MAP3K4: variants seen among roughly 807,000 people sequenced by gnomAD.
MAP3K4 encodes MAP three kinase 1.
In MAP3K4, 67 loss-of-function variants were observed where a neutral mutation model predicts 185.6. The observed-to-expected ratio is 0.36, with a 90% CI of 0.30 to 0.44. The LOEUF is 0.44. MAP3K4 is among the 20% of genes least tolerant of loss of function. MAP3K4 has a pLI of 1.00. For synonymous variants in MAP3K4, 702 were observed against 710.4 expected (o/e 0.99, Z 0.19); for missense variants, 1,551 against 1,995.1 (o/e 0.78, Z 4.24).
Position 161,054,695 on chromosome 6 carries a change from CCA to C in MAP3K4, c.1707+4717_1707+4718del, listed in dbSNP as rs1324229800. Among the ~76,000 whole-genome samples, 1 of 152,164 alleles carries C rather than the reference CCA, an allele frequency of 6.6e-6. No homozygotes were observed. Among genetic ancestry groups the C allele is most frequent in the Non-Finnish European group, 1.5e-5 (1 of 68,028 alleles). ...CTAATTGAAACAAATGGATTAGTTT[CCA>C]GAGTCCACTTGAATAGGCAGTTGTT... On this transcript the variant is annotated intron_variant, in intron 3 of 26. Transcript: ENST00000392142. The surrounding 1 kb of genome is among the most constrained non-coding windows in gnomAD (Gnocchi z 4.2).
chr6:161,005,096 T>C (rs551820863), intron 1 of MAP3K4, among the ~76,000 whole-genome samples: 30 of 152,104 alleles, frequency 2.0e-4, no homozygotes, highest in African/African-American at 6.5e-4. Flanking sequence ...GTATTCAAAA[T>C]GAACACATTC....
chr6:160,991,843 T>G lies in MAP3K4; in HGVS notation c.-89T>G. ...CGGCGGGGTAGAGGCGGAGGCGGAG[T>G]CGAGTCACTCCCGCACTTCGGGGCT... On this transcript the variant is annotated 5_prime_UTR_variant, in exon 1 of 27. Transcript: ENST00000392142. The surrounding 1 kb of genome is among the most constrained non-coding windows in gnomAD (Gnocchi z 5.7). The G allele has an allele frequency of 7.4e-7, 1 of 1,347,842 alleles. No homozygotes were observed. Among genetic ancestry groups the G allele is most frequent in the Non-Finnish European group, 9.5e-7 (1 of 1,049,330 alleles). 83.5% of individuals were successfully genotyped at this position (1,347,842 alleles called of 1,614,324 possible).
chr6:161,060,117 T>G (rs899868060), intron 3 of MAP3K4, among the ~76,000 whole-genome samples: 1 of 152,218 alleles, frequency 6.6e-6, no homozygotes, highest in Non-Finnish European at 1.5e-5. Context: ...CTAGATTCCT[T>G]AATACATTAA....
Position 161,049,309 on chromosome 6 carries a change from G to A in MAP3K4, c.1037G>A (p.Arg346His), listed in dbSNP as rs541008265. 50 of 1,614,138 alleles carry A rather than the reference G, an allele frequency of 3.1e-5. No individual in the cohort carries two copies. The highest frequency in any genetic ancestry group is 2.5e-4 in the African/African-American group (19 of 75,050). ...GYSTHHEHLQRQRVSFEQVKR... is the reference protein window; with the variant it reads ...GYSTHHEHLQHQRVSFEQVKR... Reference sequence around the variant, plus strand: ...TCAACACATCATGAGCATCTCCAACGCCAGAGGGTCTCATTTGAGCAGGTA... The same window carrying A: ...TCAACACATCATGAGCATCTCCAACACCAGAGGGTCTCATTTGAGCAGGTA... The change falls in exon 3 of 27, where the codon CGC becomes CAC. Residue 346 changes from arginine (R) to histidine (H), a missense_variant. Arg to His is a conservative substitution (Grantham distance 29). This residue lies in a region of MAP3K4 where 93 missense variants were observed against 96.7 expected (regional missense o/e 0.96). Transcript: ENST00000392142. The surrounding 1 kb of genome is among the most constrained non-coding windows in gnomAD (Gnocchi z 8.4).
chr6:160,993,477 T>C (rs1294677807), intron 1 of MAP3K4, among the ~76,000 whole-genome samples: 3 of 152,244 alleles, frequency 2.0e-5, no homozygotes, highest in African/African-American at 7.2e-5. Flanking sequence ...TTATACTCTC[T>C]TTTTGACAGA....
rs2114873880 is a variant in MAP3K4, at chr6:161,093,935, G to A, written c.3427+84G>A. On this transcript the variant is annotated intron_variant, in intron 15 of 26. Coordinates refer to ENST00000392142, the MANE Select transcript of MAP3K4 (RefSeq NM_005922.4). The surrounding 1 kb of genome is among the most constrained non-coding windows in gnomAD (Gnocchi z 5.2). Reference sequence around the variant, plus strand: ...TCTTGTAATTGCAGTCGTTTAAAATGGTATAAGAGGTGTTTTAACAGTATT... The same window carrying A: ...TCTTGTAATTGCAGTCGTTTAAAATAGTATAAGAGGTGTTTTAACAGTATT... The A allele has an allele frequency of 2.0e-6, 2 of 1,007,564 alleles. No individual in the cohort carries two copies. Among genetic ancestry groups the A allele is most frequent in the East Asian group, 4.9e-5 (2 of 41,040 alleles). 62.4% of individuals were successfully genotyped at this position (1,007,564 alleles called of 1,614,324 possible).
At position 161,080,827 on chromosome 6, in the gene MAP3K4, C is replaced by T; in HGVS notation, c.2098-54C>T. 1 of 1,547,782 alleles carries T rather than the reference C, an allele frequency of 6.5e-7. No homozygotes were observed. Among genetic ancestry groups the T allele is most frequent in the East Asian group, 2.3e-5 (1 of 43,768 alleles). Reference sequence around the variant, plus strand: ...GATGTGTAGCTTTCAGGTGAGAGCGCTGAGTTGCCAAGTTCTACTTTCAAA... The same window carrying T: ...GATGTGTAGCTTTCAGGTGAGAGCGTTGAGTTGCCAAGTTCTACTTTCAAA... On this transcript the variant is annotated intron_variant, in intron 5 of 26. Coordinates refer to ENST00000392142, the MANE Select transcript of MAP3K4 (RefSeq NM_005922.4). This position sits in a 1 kb window ranked among gnomAD's most constrained non-coding sequence, Gnocchi z 4.8.
In MAP3K4 at chr6:161,109,093, A is replaced by C. The variant is rs148615514; in HGVS notation, c.4236+234A>C. The stretch of plus-strand genomic sequence containing the variant: ...CCGACATCATAAAGCACTGAAACCC[A>C]TCCTGCCATTCAGAAGATTCTTCTA... On this transcript the variant is annotated intron_variant, in intron 22 of 26. Transcript: ENST00000392142. The surrounding 1 kb of genome is among the most constrained non-coding windows in gnomAD (Gnocchi z 5.7). 3.2e-6 allele frequency: 4 copies of C among 1,248,284 alleles called. No individual in the cohort carries two copies. The Admixed American group carries it at 6.0e-5, about 19-fold the overall frequency. 77.3% of individuals were successfully genotyped at this position (1,248,284 alleles called of 1,614,324 possible).
At chr6:161,001,985 A>G (rs1291135773) in intron 1 of MAP3K4, among the ~76,000 whole-genome samples, 1 of 152,078 alleles carries the variant, frequency 6.6e-6, no homozygotes, top group Admixed American at 6.6e-5. Flanking sequence ...AAATAGCTGC[A>G]ATAATCTCCA....
At chr6:161,083,721 A>G (rs1314510759) in intron 6 of MAP3K4, among the ~76,000 whole-genome samples, 1 of 151,852 alleles carries the variant, frequency 6.6e-6, no homozygotes, top group East Asian at 1.9e-4. Flanking sequence ...TTCCTCGCAG[A>G]TTTTCCTTTT....
chr6:161,041,967 A>C lies in MAP3K4; in HGVS notation c.344-6649A>C, dbSNP rs1783487895. On this transcript the variant is annotated intron_variant, in intron 2 of 26. Transcript: ENST00000392142. ...GAGATGGGGTCTCGCTATGTTGCCC[A>C]GACTGGCCCGGAACCTCTGGACTCA... Among the ~76,000 whole-genome samples the C allele has an allele frequency of 2.4e-5, 3 of 126,658 alleles. No homozygotes were observed. The South Asian group carries it at 7.7e-4, about 33-fold the overall frequency. 83.1% of individuals were successfully genotyped at this position (126,658 alleles called of 152,430 possible). A position where few individuals can be genotyped will look rare whatever the true frequency, so the allele number is the denominator to read the frequency against.
Position 161,045,455 on chromosome 6 carries a change from T to C in MAP3K4, c.344-3161T>C, listed in dbSNP as rs1009984378. ...TTGCTGAAATGAGATTATGTTTATG[T>C]GGAAAAATGGGATTGTGGCATTTTT... On this transcript the variant is annotated intron_variant, in intron 2 of 26. Transcript: ENST00000392142. 2.6e-5 allele frequency among the ~76,000 whole-genome samples: 4 copies of C among 152,304 alleles called. No individual in the cohort carries two copies. In the East Asian group the frequency reaches 7.7e-4, roughly 29 times the overall value.
rs1354629641 is a variant in MAP3K4, at chr6:161,099,785, T to C, written c.3674+1358T>C. ...TTTTAAAGGTTGATGCACTGTGTTTTAAGGCATTTGTAAGTTGGTGGTGTG... is the reference window on the plus strand; with the variant it reads ...TTTTAAAGGTTGATGCACTGTGTTTCAAGGCATTTGTAAGTTGGTGGTGTG... On this transcript the variant is annotated intron_variant, in intron 17 of 26. Transcript: ENST00000392142. Among the ~76,000 whole-genome samples the C allele has an allele frequency of 2.0e-5, 3 of 152,352 alleles. No individual in the cohort carries two copies. The East Asian group carries it at 5.8e-4, about 29-fold the overall frequency.
intron 3 of MAP3K4, among the ~76,000 whole-genome samples, chr6:161,057,860 C>T (rs1181700605): frequency 6.6e-6 from 1 of 152,194 alleles, no homozygotes; most frequent in African/African-American, 2.4e-5. Flanking sequence ...TTTTCTTAAA[C>T]ATACAAACAT....
At chr6:161,032,715 G>C (rs527774033) in intron 1 of MAP3K4, among the ~76,000 whole-genome samples, 20 of 152,308 alleles carry the variant, frequency 1.3e-4, no homozygotes, top group South Asian at 1.2e-3. Context: ...AGAAGTGGGT[G>C]TAAGAAATTT....
At chr6:161,020,475 T>A (rs1213646547) in intron 1 of MAP3K4, among the ~76,000 whole-genome samples, 2 of 152,044 alleles carry the variant, frequency 1.3e-5, no homozygotes, top group Non-Finnish European at 2.9e-5. Flanking sequence ...CTGGCCAACA[T>A]GGTGAAACTC....
chr6:161,050,844 T>A (rs1783969849), intron 3 of MAP3K4, among the ~76,000 whole-genome samples: 1 of 152,208 alleles, frequency 6.6e-6, no homozygotes, highest in South Asian at 2.1e-4. Flanking sequence ...CCGTGTTAAG[T>A]CTGTGATTCT....
At chr6:160,999,403 C>G (rs1298633546) in intron 1 of MAP3K4, among the ~76,000 whole-genome samples, 2 of 152,130 alleles carry the variant, frequency 1.3e-5, no homozygotes, top group African/African-American at 4.8e-5. Flanking sequence ...TTTTCTCACA[C>G]AATTTTTGGA....
intron 15 of MAP3K4, among the ~76,000 whole-genome samples, chr6:161,095,368 A>C (rs1189689756): frequency 6.6e-6 from 1 of 152,210 alleles, no homozygotes; most frequent in Non-Finnish European, 1.5e-5. Flanking sequence ...AGGGGTCATC[A>C]TTTGGTTTTG....
Sources: gnomAD v4.1 joint callset for allele counts (sites outside exome capture counted in the v4.1 genomes callset) on GRCh38, gnomAD v4.1.1 for gene constraint, gnomAD v4.1.1 regional missense constraint, Gnocchi (gnomAD v3.1) non-coding constraint, MANE v1.5 for transcripts, NCBI Gene and HGNC (gene_info 2026-07-23, HGNC 2026-07-21) for gene names.